STAT3: variants seen among roughly 807,000 people sequenced by gnomAD.
The protein encoded by STAT3 is DNA-binding protein APRF.
STAT3 carries 7 observed loss-of-function variants against 114.3 expected under a neutral mutation model. That is an observed-to-expected ratio of 0.06 (90% CI 0.03 to 0.11). The LOEUF (loss-of-function observed/expected upper bound fraction) is 0.11, where lower values mean the gene tolerates loss of function less well. STAT3 is among the 10% of genes least tolerant of loss of function. STAT3 has a pLI of 1.00. For synonymous variants in STAT3, 331 were observed against 354.5 expected (o/e 0.93, Z 0.74); for missense variants, 364 against 960.9 (o/e 0.38, Z 8.21).
chr17:42,340,869 T>C (rs3869550), intron 4 of STAT3, among the ~76,000 whole-genome samples: 71,567 of 151,854 alleles, frequency 0.47, 19,843 homozygotes, highest in African/African-American at 0.78. Flanking sequence ...GGGCCCACCA[T>C]AAGCAAGAGC....
intron 1 of STAT3, among the ~76,000 whole-genome samples, chr17:42,372,803 T>C (rs561641666): frequency 7.9e-5 from 12 of 151,922 alleles, no homozygotes; most frequent in Non-Finnish European, 1.5e-4. Context: ...GCTATGATGA[T>C]GCCACTGCAA....
At chr17:42,321,432 T>C (rs1217285427) in intron 21 of STAT3, among the ~76,000 whole-genome samples, 1 of 152,090 alleles carries the variant, frequency 6.6e-6, no homozygotes, top group East Asian at 1.9e-4. Flanking sequence ...GCTAAAATAA[T>C]TTATATATAA....
chr17:42,363,328 C>T (rs1376923726), intron 1 of STAT3, among the ~76,000 whole-genome samples: 1 of 152,168 alleles, frequency 6.6e-6, no homozygotes, highest in Non-Finnish European at 1.5e-5. Context: ...CAGCACTCCC[C>T]AGCTCAAAAA....
At chr17:42,317,384 C>A in intron 21 of STAT3, 160 bp from the exon 22 acceptor site, 1 of 781,714 alleles carries the variant, frequency 1.3e-6, no homozygotes, top group South Asian at 1.5e-5. Context: ...GTTGTCTGCC[C>A]TCATTTATAC....
chr17:42,332,299 G>A (rs1598411897), intron 10 of STAT3, among the ~76,000 whole-genome samples: 1 of 150,018 alleles, frequency 6.7e-6, no homozygotes, highest in Admixed American at 6.6e-5. Flanking sequence ...CAGCACTTTG[G>A]GAGGCCAAGG....
intron 3 of STAT3, among the ~76,000 whole-genome samples, 200 bp downstream of exon 3, chr17:42,346,369 G>A (rs2082700807): frequency 1.3e-5 from 2 of 152,198 alleles, no homozygotes; most frequent in South Asian, 2.1e-4. Flanking sequence ...ACTGTGACAA[G>A]AGAAGTGATT....
rs894093981 is a variant in STAT3 at position 42,319,324 on chromosome 17, T to A, written c.2102-2100A>T. On this transcript the variant is annotated intron_variant, in intron 21 of 23. Transcript: ENST00000264657. ...TGGGAGGCCCAGGCGGGAAGATCAC[T>A]TGAGGTCAGGGGTTCGAGACCAGCC... 5.9e-5 allele frequency among the ~76,000 whole-genome samples: 9 copies of A among 151,890 alleles called. No individual in the cohort carries two copies. In the South Asian group the frequency reaches 1.9e-3, roughly 32 times the overall value.
chr17:42,367,401 A>ATGG (rs2083863605), intron 1 of STAT3, among the ~76,000 whole-genome samples: 1 of 150,748 alleles, frequency 6.6e-6, no homozygotes, highest in Non-Finnish European at 1.5e-5. Flanking sequence ...ACTCAGGAAA[A>ATGG]AATCCAAAGT....
Position 42,388,370 on chromosome 17 carries a change from C to T in STAT3, c.-115G>A, listed in dbSNP as rs1031921487. ...CTCAGGCCGAAGGGCCTCTCCGAGCCGAGGGGGAGAGACAGCGCCAAGCCG... is the reference window on the plus strand; with the variant it reads ...CTCAGGCCGAAGGGCCTCTCCGAGCTGAGGGGGAGAGACAGCGCCAAGCCG... On this transcript the variant is annotated 5_prime_UTR_variant, in exon 1 of 24. Transcript: ENST00000264657. 2 of 1,231,536 alleles carry T rather than the reference C, an allele frequency of 1.6e-6. No homozygotes were observed. The highest frequency in any genetic ancestry group is 1.6e-5 in the African/African-American group (1 of 64,416). 76.3% of individuals were successfully genotyped at this position (1,231,536 alleles called of 1,614,324 possible).
chr17:42,382,643 CT>C (rs922628342), intron 1 of STAT3, among the ~76,000 whole-genome samples: 11 of 148,850 alleles, frequency 7.4e-5, no homozygotes, highest in South Asian at 2.1e-4. Flanking sequence ...TGCGGTAATC[CT>C]TTTTTTTTTC....
At chr17:42,354,479 T>G (rs760923323) in intron 1 of STAT3, among the ~76,000 whole-genome samples, 7 of 151,456 alleles carry the variant, frequency 4.6e-5, no homozygotes, top group Non-Finnish European at 8.8e-5. Context: ...GTGTTATTTC[T>G]TAAAACAGAA....
intron 1 of STAT3, among the ~76,000 whole-genome samples, chr17:42,372,161 T>G (rs1212664437): frequency 1.3e-5 from 2 of 152,196 alleles, no homozygotes; most frequent in Non-Finnish European, 2.9e-5. Context: ...GTTTGATAGC[T>G]TCTTACAAAA....
Position 42,350,249 on chromosome 17 carries a change from T to TTCA in STAT3, c.-23-1711_-23-1710insTGA, listed in dbSNP as rs1162951565. On this transcript the variant is annotated intron_variant, in intron 1 of 23. Coordinates refer to ENST00000264657, the MANE Select transcript of STAT3 (RefSeq NM_139276.3). Reference sequence around the variant, plus strand: ...GAAGAAGCACCTAGTTAGCACTGGCTTTTTCATAAAAATGACTGAGCAAAC... The same window carrying TTCA: ...GAAGAAGCACCTAGTTAGCACTGGCTTCATTTTCATAAAAATGACTGAGCAAAC... 5.5e-4 allele frequency among the ~76,000 whole-genome samples: 83 copies of TTCA among 152,278 alleles called. 1 individual carries two copies. In the East Asian group the frequency reaches 0.013, roughly 25 times the overall value.
At chr17:42,352,801 C>T (rs1473250772) in intron 1 of STAT3, among the ~76,000 whole-genome samples, 1 of 152,134 alleles carries the variant, frequency 6.6e-6, no homozygotes, top group Non-Finnish European at 1.5e-5. Flanking sequence ...AAACTCTAAA[C>T]CTACACAGTC....
At chr17:42,384,557 ATT>A (rs35561964) in intron 1 of STAT3, among the ~76,000 whole-genome samples, 32 of 145,290 alleles carry the variant, frequency 2.2e-4, no homozygotes, top group Admixed American at 2.1e-4. Context: ...GCTACCAGGA[ATT>A]TTTTTTTTTT....
intron 1 of STAT3, among the ~76,000 whole-genome samples, chr17:42,371,510 TAA>T (rs768004002): frequency 3.9e-5 from 5 of 129,856 alleles, no homozygotes; most frequent in Non-Finnish European, 5.0e-5. Context: ...CGTCTCTAAT[TAA>T]AAAAAAAAAA....
At chr17:42,331,057 G>A (rs552751670) in intron 11 of STAT3, among the ~76,000 whole-genome samples, 22 of 152,288 alleles carry the variant, frequency 1.4e-4, no homozygotes, top group African/African-American at 2.4e-4. Context: ...GCCACATAGC[G>A]TAGGTGTGCA....
At chr17:42,347,720 G>A (rs983861606) in intron 2 of STAT3, among the ~76,000 whole-genome samples, 13 of 152,120 alleles carry the variant, frequency 8.5e-5, no homozygotes, top group African/African-American at 2.7e-4. Context: ...TACTGTCCTC[G>A]AGACAGTGAG....
chr17:42,376,343 T>G (rs1167169009), intron 1 of STAT3, among the ~76,000 whole-genome samples: 1 of 151,972 alleles, frequency 6.6e-6, no homozygotes, highest in East Asian at 1.9e-4. Context: ...AGTCTGACAG[T>G]TGTCTAATAT....
Sources: allele counts gnomAD v4.1 joint callset (sites outside exome capture counted in the v4.1 genomes callset), GRCh38; gene constraint gnomAD v4.1.1; transcripts MANE v1.5; gene names NCBI Gene and HGNC (gene_info 2026-07-23, HGNC 2026-07-21).